The following ABHD2 variants were observed in gnomAD, a reference collection of about 807,000 sequenced individuals.
The protein encoded by ABHD2 is abhydrolase domain containing 2, acylglycerol lipase, also known as monoacylglycerol lipase ABHD2.
Under a neutral mutation model 48.1 loss-of-function variants are expected in ABHD2, and 20 were observed. That is an observed-to-expected ratio of 0.42 (90% CI 0.29 to 0.60). The LOEUF is 0.60. ABHD2 is among the 20% of genes least tolerant of loss of function. The probability of loss-of-function intolerance (pLI) is 0.24; values close to 1 mark genes in which losing one functional copy is unlikely to be tolerated. For missense variants in ABHD2, 405 were observed against 550.9 expected (o/e 0.74, Z 2.65); for synonymous variants, 209 against 214.2 (o/e 0.98, Z 0.21).
At chr15:89,115,788 T>A (rs1567073715) in intron 2 of ABHD2, among the ~76,000 whole-genome samples, 1 of 152,102 alleles carries the variant, frequency 6.6e-6, no homozygotes, top group East Asian at 1.9e-4. Context: ...AATAAAGGGG[T>A]GAAGCCAGCA....
In ABHD2 at chr15:89,151,877, T is replaced by G; in HGVS notation, c.370+25T>G. On this transcript the variant is annotated intron_variant, in intron 4 of 10. Coordinates refer to ENST00000352732, the MANE Select transcript of ABHD2 (RefSeq NM_152924.5). This position sits in a 1 kb window ranked among gnomAD's most constrained non-coding sequence, Gnocchi z 4.7. ...GGTGAGCTGCTTTAGATTGTGTGATTGAGCCATCACTCAGAGAAGGAGCAC... is the reference window on the plus strand; with the variant it reads ...GGTGAGCTGCTTTAGATTGTGTGATGGAGCCATCACTCAGAGAAGGAGCAC... 1 of 1,609,804 alleles carries G rather than the reference T, an allele frequency of 6.2e-7. No individual in the cohort carries two copies. The highest frequency in any genetic ancestry group is 8.5e-7 in the Non-Finnish European group (1 of 1,177,540).
At chr15:89,112,012 G>A (rs1332134233) in intron 1 of ABHD2, among the ~76,000 whole-genome samples, 1 of 151,928 alleles carries the variant, frequency 6.6e-6, no homozygotes, top group African/African-American at 2.4e-5. Flanking sequence ...GGCTAGAAGG[G>A]ACCTTAGATG....
At chr15:89,062,340 T>G in the ABHD2 span, among the ~76,000 whole-genome samples, 2 of 151,916 alleles carry the variant, frequency 1.3e-5, no homozygotes, top group Non-Finnish European at 2.9e-5. Context: ...GTTATGGAAT[T>G]GATTTTCGTT....
chr15:89,055,052 C>T, the ABHD2 span, among the ~76,000 whole-genome samples: 1 of 151,970 alleles, frequency 6.6e-6, no homozygotes, highest in African/African-American at 2.4e-5. Context: ...CTAGCAAGAC[C>T]CCATCTCTAT....
chr15:89,130,477 C>G (rs2050201669), intron 3 of ABHD2, among the ~76,000 whole-genome samples: 1 of 152,192 alleles, frequency 6.6e-6, no homozygotes, highest in African/African-American at 2.4e-5. Context: ...ATAATACAGT[C>G]ATGGGTTCTC....
chr15:89,085,435 GGCAAGACT>G (rs972001980), upstream of ABHD2, among the ~76,000 whole-genome samples: 11 of 152,044 alleles, frequency 7.2e-5, no homozygotes, highest in African/African-American at 2.7e-4. This position sits in a 1 kb window ranked among gnomAD's most constrained non-coding sequence, Gnocchi z 4.2. Context: ...AACAGAATAT[GGCAAGACT>G]GCAAGCAGAA....
At chr15:89,086,959 AC>A (rs943521866), upstream of ABHD2, 10 of 152,182 alleles carry the variant, frequency 6.6e-5, no homozygotes, top group African/African-American at 2.4e-4. Context: ...AGGTAACATG[AC>A]AACTGAATGA....
intron 3 of ABHD2, among the ~76,000 whole-genome samples, chr15:89,141,089 C>T (rs2050395541): frequency 6.6e-6 from 1 of 151,976 alleles, no homozygotes; most frequent in Non-Finnish European, 1.5e-5. Context: ...TTAACTCAGC[C>T]TCCCAAATAG....
chr15:89,163,047 C>T (rs1177865211), intron 5 of ABHD2, among the ~76,000 whole-genome samples: 1 of 152,226 alleles, frequency 6.6e-6, no homozygotes, highest in Admixed American at 6.5e-5. Context: ...GGCACATTGC[C>T]TCTCTTTTGA....
At chr15:89,050,166 G>T in the ABHD2 span, among the ~76,000 whole-genome samples, 1 of 152,118 alleles carries the variant, frequency 6.6e-6, no homozygotes, top group African/African-American at 2.4e-5. Context: ...AGAGGTCATG[G>T]GTCCCAGGAA....
chr15:89,067,688 C>T, the ABHD2 span, among the ~76,000 whole-genome samples: 2 of 152,204 alleles, frequency 1.3e-5, no homozygotes, highest in African/African-American at 2.4e-5. Flanking sequence ...CTCAGCTTTT[C>T]TCGAACACCC....
Position 89,181,802 on chromosome 15 carries a change from A to G in ABHD2, c.723-3622A>G, listed in dbSNP as rs137923243. On this transcript the variant is annotated intron_variant, in intron 6 of 10. Coordinates refer to ENST00000352732, the MANE Select transcript of ABHD2 (RefSeq NM_152924.5). ...GAACTGGAAAGCTGAGCCTTCTCTA[A>G]GCAGTTACCCCAGCAGCATAATGGT... 3.4e-3 allele frequency among the ~76,000 whole-genome samples: 516 copies of G among 152,330 alleles called. 4 individuals carry two copies. Among genetic ancestry groups the G allele is most frequent in the African/African-American group, 0.012 (482 of 41,562 alleles).
At chr15:89,157,202 G>A (rs2050688832) in intron 5 of ABHD2, among the ~76,000 whole-genome samples, 1 of 152,208 alleles carries the variant, frequency 6.6e-6, no homozygotes, top group Non-Finnish European at 1.5e-5. Context: ...TGTAAATACT[G>A]TGTCTTGTAC....
the ABHD2 span, among the ~76,000 whole-genome samples, chr15:89,080,674 A>T: frequency 6.7e-6 from 1 of 150,242 alleles, no homozygotes; most frequent in Non-Finnish European, 1.5e-5. Context: ...ACAAAGAGAT[A>T]AGGTAAAGAG....
At position 89,176,129 on chromosome 15, in the gene ABHD2, C is replaced by A; in HGVS notation, c.722+134C>A. On this transcript the variant is annotated intron_variant, in intron 6 of 10. Coordinates refer to ENST00000352732, the MANE Select transcript of ABHD2 (RefSeq NM_152924.5). This position sits in a 1 kb window ranked among gnomAD's most constrained non-coding sequence, Gnocchi z 4.5. ...TGAGTAGAAGTTTCTGAGTCTTGGA[C>A]TCACCTTGTTTTGTCTGCATATCAT... The A allele has an allele frequency of 1.0e-6, 1 of 979,296 alleles. No homozygotes were observed. Among genetic ancestry groups the A allele is most frequent in the Non-Finnish European group, 1.5e-6 (1 of 682,002 alleles). The allele number at this position is 979,296 out of a possible 1,614,324, so 60.7% of individuals were successfully genotyped here. A position where few individuals can be genotyped will look rare whatever the true frequency, so the allele number is the denominator to read the frequency against.
rs1211934901 is a variant in ABHD2 at position 89,104,849 on chromosome 15, C to T, written c.-106-8876C>T. ...ACAATCAATCTGGAGATGCCCTCTT[C>T]TTCAGTTGTATCCTTCTCTTAAAAA... On this transcript the variant is annotated intron_variant, in intron 1 of 10. Coordinates refer to ENST00000352732, the MANE Select transcript of ABHD2 (RefSeq NM_152924.5). This position sits in a 1 kb window ranked among gnomAD's most constrained non-coding sequence, Gnocchi z 4.4. Among the ~76,000 whole-genome samples, 3 of 152,152 alleles carry T rather than the reference C, an allele frequency of 2.0e-5. No individual in the cohort carries two copies. The highest frequency in any genetic ancestry group is 1.9e-4 in the East Asian group (1 of 5,194).
At chr15:89,058,289 A>G in the ABHD2 span, among the ~76,000 whole-genome samples, 2 of 152,104 alleles carry the variant, frequency 1.3e-5, no homozygotes, top group African/African-American at 4.8e-5. Flanking sequence ...CAGCTCACAC[A>G]TCCAAGCTTC....
At position 89,155,235 on chromosome 15, in the gene ABHD2, T is replaced by C. The variant is rs2150894188; in HGVS notation, c.371-132T>C. 1 of 995,364 alleles carries C rather than the reference T, an allele frequency of 1.0e-6. No homozygotes were observed. Among genetic ancestry groups the C allele is most frequent in the Middle Eastern group, 2.7e-4 (1 of 3,712 alleles). 61.7% of individuals were successfully genotyped at this position (995,364 alleles called of 1,614,324 possible). Reference sequence around the variant, plus strand: ...GCTCCAGCTAGAAGGGAAAAATTCTTCCCCAGAGAACTGAGTGAAAGATGT... The same window carrying C: ...GCTCCAGCTAGAAGGGAAAAATTCTCCCCCAGAGAACTGAGTGAAAGATGT... On this transcript the variant is annotated intron_variant, in intron 4 of 10. Transcript: ENST00000352732. The surrounding 1 kb of genome is among the most constrained non-coding windows in gnomAD (Gnocchi z 4.9).
chr15:89,066,283 CCT>C, the ABHD2 span, among the ~76,000 whole-genome samples: 3 of 152,070 alleles, frequency 2.0e-5, no homozygotes, highest in African/African-American at 7.2e-5. Context: ...CCCTTTCTTG[CCT>C]CTCTCCTCTC....
Sources: allele counts gnomAD v4.1 joint callset (sites outside exome capture counted in the v4.1 genomes callset), GRCh38; gene constraint gnomAD v4.1.1; non-coding constraint Gnocchi (gnomAD v3.1); transcripts MANE v1.5; gene names NCBI Gene and HGNC (gene_info 2026-07-23, HGNC 2026-07-21).